SYNE1: variants seen among roughly 807,000 people sequenced by gnomAD.
The protein encoded by SYNE1 is nesprin-1.
SYNE1 carries 616 observed loss-of-function variants against 1,111.0 expected under a neutral mutation model. The observed-to-expected ratio is 0.55, with a 90% CI of 0.52 to 0.59. The LOEUF is 0.59. Among genes scored for constraint, SYNE1 ranks in the 20% least tolerant of loss-of-function variants. The pLI, the probability that SYNE1 is intolerant of heterozygous loss-of-function variation, is 0.00. For missense variants in SYNE1, 10,006 were observed against 10,417.0 expected (o/e 0.96, Z 1.72); for synonymous variants, 3,855 against 3,825.8 (o/e 1.01, Z -0.28).
chr6:152,233,940 G>A lies in SYNE1; in HGVS notation c.20553C>T (p.Ala6851=), dbSNP rs969664934. The A allele has an allele frequency of 2.5e-6, 4 of 1,614,074 alleles. No individual in the cohort carries two copies. The highest frequency in any genetic ancestry group is 3.4e-6 in the Non-Finnish European group (4 of 1,180,012). ...GAACAGATGATTTCAGGGAAGATTG[G>A]GCATCCACTTCTTTAGAAAACTCCT... ...AFLEFSKEVD[A]QSSLKSSVLS... is the part of the protein sequence containing the mutation. The change falls in exon 112 of 146, where the codon GCC becomes GCT. Residue 6851 remains alanine, a synonymous_variant. Transcript: ENST00000367255.
rs781552217 is a variant in SYNE1 at position 152,224,551 on chromosome 6, T to A, written c.21465A>T (p.Arg7155=). The A allele has an allele frequency of 1.2e-5, 20 of 1,613,956 alleles. No homozygotes were observed. The highest frequency in any genetic ancestry group is 1.7e-5 in the Admixed American group (1 of 59,992). Residue 7155 remains arginine (R), a synonymous_variant, in exon 117 of 146, where the codon CGA becomes CGT. Coordinates refer to ENST00000367255, the MANE Select transcript of SYNE1 (RefSeq NM_182961.4). ...YLMEARYSLS[R]FRLLTGSLEA... Reference sequence around the variant, plus strand: ...CTAAGGAGCCAGTCAGCAGACGGAATCGGGAAAGAGAGTATCTGGCCTCCA... The same window carrying A: ...CTAAGGAGCCAGTCAGCAGACGGAAACGGGAAAGAGAGTATCTGGCCTCCA...
rs374790545 is a variant in SYNE1, at chr6:152,629,159, TG to T, written c.-223-606del. On this transcript the variant is annotated intron_variant, in intron 2 of 145. Transcript: ENST00000367255. ...CAAGAGTTTTAAGGCTAGGGTGGGG[TG>T]GGTGAAGCAGAGTGGACATTTTCCT... Among the ~76,000 whole-genome samples, 690 of 152,046 alleles carry T rather than the reference TG, an allele frequency of 4.5e-3. 3 individuals are homozygous for T. Among genetic ancestry groups the T allele is most frequent in the South Asian group, 0.028 (135 of 4,814 alleles).
intron 74 of SYNE1, among the ~76,000 whole-genome samples, chr6:152,339,619 G>A (rs533815775): frequency 6.6e-6 from 1 of 152,282 alleles, no homozygotes; most frequent in Non-Finnish European, 1.5e-5. Flanking sequence ...AGGGGAAAAC[G>A]CAAGAAACTT....
At chr6:152,334,369 A>T in intron 76 of SYNE1, 96 bp from the exon 77 acceptor site, 5 of 1,373,016 alleles carry the variant, frequency 3.6e-6, no homozygotes, top group Non-Finnish European at 5.0e-6. Context: ...AAACACTCTA[A>T]GTTCCTTAAT....
intron 130 of SYNE1, among the ~76,000 whole-genome samples, chr6:152,170,572 G>C (rs541807629): frequency 6.6e-6 from 1 of 152,102 alleles, no homozygotes; most frequent in Non-Finnish European, 1.5e-5. Context: ...GGCACCTTCC[G>C]ACTCAAACAC....
chr6:152,534,534 T>C (rs1564696869), intron 4 of SYNE1, among the ~76,000 whole-genome samples: 1 of 152,218 alleles, frequency 6.6e-6, no homozygotes, highest in Non-Finnish European at 1.5e-5. Flanking sequence ...TCTTGGTATG[T>C]GCATACATTG....
chr6:152,536,009 A>G (rs945685255), intron 4 of SYNE1, among the ~76,000 whole-genome samples: 1 of 151,858 alleles, frequency 6.6e-6, no homozygotes, highest in Admixed American at 6.6e-5. Flanking sequence ...AGTCCATGCC[A>G]CCTCTGTCTT....
chr6:152,585,396 C>T (rs912281335), intron 3 of SYNE1, among the ~76,000 whole-genome samples: 23 of 152,140 alleles, frequency 1.5e-4, no homozygotes, highest in Admixed American at 6.5e-5. Context: ...CAAATAGATC[C>T]GTGGGATAAA....
chr6:152,215,208 T>G, intron 121 of SYNE1, 148 bp from the exon 122 acceptor site: 3 of 852,366 alleles, frequency 3.5e-6, no homozygotes, highest in Non-Finnish European at 5.5e-6. Flanking sequence ...TTACAATCTC[T>G]AGGTACGAAT....
chr6:152,490,444 A>G (rs2098964270), intron 11 of SYNE1, among the ~76,000 whole-genome samples: 1 of 152,174 alleles, frequency 6.6e-6, no homozygotes, highest in Non-Finnish European at 1.5e-5. Flanking sequence ...TTAACCGATG[A>G]CATTCCACCA....
At chr6:152,157,260 T>G (rs1003501137) in intron 131 of SYNE1, among the ~76,000 whole-genome samples, 3 of 152,226 alleles carry the variant, frequency 2.0e-5, no homozygotes, top group Admixed American at 6.5e-5. Flanking sequence ...AAAAATGAAA[T>G]TATGTTGTTT....
At chr6:152,417,866 A>T (rs1173263034) in intron 40 of SYNE1, among the ~76,000 whole-genome samples, 1 of 152,172 alleles carries the variant, frequency 6.6e-6, no homozygotes, top group Non-Finnish European at 1.5e-5. Context: ...TTAACTAACA[A>T]TTTCTATCCA....
chr6:152,412,229 G>C (rs1481805616), intron 42 of SYNE1, among the ~76,000 whole-genome samples: 1 of 151,946 alleles, frequency 6.6e-6, no homozygotes, highest in Non-Finnish European at 1.5e-5. Flanking sequence ...AGACCATCCT[G>C]GCTAACACGG....
intron 46 of SYNE1, among the ~76,000 whole-genome samples, chr6:152,403,538 T>C (rs907670406): frequency 3.3e-5 from 5 of 152,044 alleles, no homozygotes; most frequent in African/African-American, 4.8e-5. Context: ...CTTGGCAACA[T>C]GGCAAAACCT....
chr6:152,512,855 G>A (rs2099092138), intron 6 of SYNE1, among the ~76,000 whole-genome samples: 1 of 152,094 alleles, frequency 6.6e-6, no homozygotes, highest in South Asian at 2.1e-4. Context: ...AGCCTAGGAG[G>A]GTAGGATGGG....
chr6:152,370,016 A>G (rs918106829), intron 59 of SYNE1, among the ~76,000 whole-genome samples: 2 of 149,340 alleles, frequency 1.3e-5, no homozygotes, highest in Non-Finnish European at 3.0e-5. Flanking sequence ...AAATTCCACA[A>G]AAAAAAAACC....
intron 3 of SYNE1, among the ~76,000 whole-genome samples, chr6:152,600,152 C>T (rs1157286772): frequency 6.6e-6 from 1 of 152,048 alleles, no homozygotes; most frequent in Non-Finnish European, 1.5e-5. Flanking sequence ...GTAACAAAGG[C>T]GAACAGTTTA....
chr6:152,201,978 A>G, intron 126 of SYNE1, 29 bp from the exon 127 acceptor site: 1 of 1,612,904 alleles, frequency 6.2e-7, no homozygotes, highest in African/African-American at 1.3e-5. Flanking sequence ...CAAATAGCAT[A>G]GATGTTTTTG....
At chr6:152,335,314 C>T (rs1231991951) in intron 76 of SYNE1, 2 of 152,100 alleles carry the variant, frequency 1.3e-5, no homozygotes, top group Non-Finnish European at 1.5e-5. Context: ...ATATCTAAAA[C>T]AAATACAGCA....
Sources: gnomAD v4.1 joint callset for allele counts (sites outside exome capture counted in the v4.1 genomes callset) on GRCh38, gnomAD v4.1.1 for gene constraint, MANE v1.5 for transcripts, NCBI Gene and HGNC (gene_info 2026-07-23, HGNC 2026-07-21) for gene names.